The following MTMR10 variants were observed in gnomAD, a reference collection of about 807,000 sequenced individuals.
The protein encoded by MTMR10 is myotubularin-related protein 10.
In MTMR10, 56 loss-of-function variants were observed where a neutral mutation model predicts 88.1. The ratio of observed to expected loss-of-function variants is 0.64; its 90% CI spans 0.51 to 0.79. The LOEUF (loss-of-function observed/expected upper bound fraction) is 0.79, where lower values mean the gene tolerates loss of function less well. MTMR10 is among the 30% of genes least tolerant of loss of function. MTMR10 has a pLI of 0.00. For missense variants in MTMR10, 883 were observed against 924.7 expected (o/e 0.95, Z 0.58); for synonymous variants, 380 against 340.9 (o/e 1.11, Z -1.26).
At chr15:30,929,958 CATATAATAT>C in the MTMR10 span, among the ~76,000 whole-genome samples, 1 of 100,764 alleles carries the variant, frequency 9.9e-6, no homozygotes, top group East Asian at 2.5e-4. Context: ...TAATATATAT[CATATAATAT>C]ATAAAATATA....
chr15:30,974,099 T>C (rs1394695284), intron 5 of MTMR10, among the ~76,000 whole-genome samples: 1 of 152,200 alleles, frequency 6.6e-6, no homozygotes, highest in African/African-American at 2.4e-5. Context: ...TTTGAGAAGC[T>C]GATAAAAAGT....
the MTMR10 span, among the ~76,000 whole-genome samples, chr15:30,920,939 A>G: frequency 6.6e-6 from 1 of 152,146 alleles, no homozygotes; most frequent in Admixed American, 6.5e-5. Context: ...GTGCGCCACC[A>G]TGCCTAGCTA....
intron 2 of MTMR10, among the ~76,000 whole-genome samples, chr15:30,979,844 C>T (rs1170744821): frequency 6.6e-6 from 1 of 152,216 alleles, no homozygotes; most frequent in Non-Finnish European, 1.5e-5. Context: ...ATGGGTCCAA[C>T]GGATGGTAAA....
chr15:30,937,196 G>T, downstream of MTMR10: 1 of 1,614,154 alleles, frequency 6.2e-7, no homozygotes, highest in Non-Finnish European at 8.5e-7. Context: ...AGAAGCTGGG[G>T]GCTGAAGTAG....
intron 2 of MTMR10, among the ~76,000 whole-genome samples, chr15:30,978,463 G>T (rs1314042822): frequency 6.6e-6 from 1 of 152,188 alleles, no homozygotes; most frequent in African/African-American, 2.4e-5. Flanking sequence ...TTCTAGATAA[G>T]AGAAACTAGT....
chr15:30,954,478 G>C (rs779513972), intron 10 of MTMR10, among the ~76,000 whole-genome samples: 1 of 152,132 alleles, frequency 6.6e-6, no homozygotes, highest in Non-Finnish European at 1.5e-5. Context: ...GTAATACAGT[G>C]TTCTACTCAG....
chr15:30,961,199 T>A, intron 6 of MTMR10, 126 bp from the exon 7 acceptor site: 1 of 1,280,746 alleles, frequency 7.8e-7, no homozygotes. Context: ...CTTCCAAGTC[T>A]CTCCGAGAAC....
chr15:30,948,122 T>TA (rs2063196877), intron 13 of MTMR10, among the ~76,000 whole-genome samples, 180 bp downstream of exon 13: 1 of 152,356 alleles, frequency 6.6e-6, no homozygotes, highest in African/African-American at 2.4e-5. Flanking sequence ...CCTTCATAGT[T>TA]ACGATAATCT....
chr15:30,946,940 TGTTC>T, intron 14 of MTMR10, 186 bp downstream of exon 14: 1 of 744,832 alleles, frequency 1.3e-6, no homozygotes, highest in Non-Finnish European at 2.1e-6. Flanking sequence ...AAACAAAAAA[TGTTC>T]ATTCATAAAA....
intron 5 of MTMR10, 23 bp downstream of exon 5, chr15:30,974,290 CT>C (rs778844508): frequency 6.5e-7 from 1 of 1,542,488 alleles, no homozygotes; most frequent in Non-Finnish European, 8.8e-7. Context: ...GAACCCAGAA[CT>C]TGATAAACCT....
At chr15:30,931,594 T>G in the MTMR10 span, among the ~76,000 whole-genome samples, 2 of 152,214 alleles carry the variant, frequency 1.3e-5, no homozygotes, top group African/African-American at 2.4e-5. Context: ...TGAGACGCCA[T>G]TTGTATACAG....
downstream of MTMR10, chr15:30,937,316 AC>A: frequency 6.6e-7 from 1 of 1,510,828 alleles, no homozygotes. Flanking sequence ...AGAGTATAAA[AC>A]ATGTTTTATT....
chr15:30,919,345 A>C, the MTMR10 span, among the ~76,000 whole-genome samples: 5,629 of 136,834 alleles, frequency 0.041, 166 homozygotes, highest in Non-Finnish European at 0.06. Flanking sequence ...ACGCCATTGC[A>C]CTCCAGCCTG....
chr15:30,989,586 G>GTTTT (rs35798908), intron 2 of MTMR10, among the ~76,000 whole-genome samples: 1 of 143,402 alleles, frequency 7.0e-6, no homozygotes, highest in Non-Finnish European at 1.5e-5. Context: ...TTGATTTCAG[G>GTTTT]TTTTTTTTTT....
the MTMR10 span, chr15:30,930,759 T>C: frequency 1.3e-6 from 2 of 1,495,348 alleles, no homozygotes; most frequent in South Asian, 1.2e-5. Context: ...TGAGTGGCTG[T>C]TGGCAAGATT....
At chr15:30,949,753 C>T (rs959332938) in intron 12 of MTMR10, 6 of 152,112 alleles carry the variant, frequency 3.9e-5, no homozygotes, top group Admixed American at 2.0e-4. Flanking sequence ...AAGCAAAATG[C>T]ATTTACAAAC....
intron 12 of MTMR10, among the ~76,000 whole-genome samples, chr15:30,951,353 C>A (rs72710424): frequency 1.3e-5 from 2 of 152,046 alleles, no homozygotes; most frequent in Non-Finnish European, 2.9e-5. Flanking sequence ...AGCAAAATTA[C>A]AGAGAGAGAA....
At chr15:30,927,013 T>G in the MTMR10 span, 2 of 985,336 alleles carry the variant, frequency 2.0e-6, no homozygotes, top group Non-Finnish European at 2.4e-6. Flanking sequence ...CATGGACCAC[T>G]TAGGAGTTAA....
At chr15:30,956,570 C>A (rs1480255654) in intron 9 of MTMR10, among the ~76,000 whole-genome samples, 1 of 152,198 alleles carries the variant, frequency 6.6e-6, no homozygotes, top group Non-Finnish European at 1.5e-5. Context: ...GCAGCTAGTG[C>A]AAGGGCCCTG....
Sources: gnomAD v4.1 joint callset for allele counts (sites outside exome capture counted in the v4.1 genomes callset) on GRCh38, gnomAD v4.1.1 for gene constraint, MANE v1.5 for transcripts, NCBI Gene and HGNC (gene_info 2026-07-23, HGNC 2026-07-21) for gene names.